INSC: variants seen among roughly 807,000 people sequenced by gnomAD.
INSC encodes the protein protein inscuteable homolog.
Under a neutral mutation model 58.6 loss-of-function variants are expected in INSC, and 67 were observed. The observed-to-expected ratio is 1.14, with a 90% confidence interval of 0.94 to 1.40. The LOEUF (loss-of-function observed/expected upper bound fraction) is 1.40, where lower values mean the gene tolerates loss of function less well. INSC is among the 40% of genes most tolerant of loss of function. The pLI is 0.00. For synonymous variants in INSC, 262 were observed against 276.1 expected, an observed-to-expected ratio of 0.95 and a Z score of 0.51; for missense variants, 714 against 692.0, an observed-to-expected ratio of 1.03 and a Z score of -0.36.
intron 2 of INSC, among the ~76,000 whole-genome samples, chr11:15,161,830 T>G (rs1460332451): frequency 6.6e-6 from 1 of 152,172 alleles, no homozygotes; most frequent in African/African-American, 2.4e-5. Context: ...TCGAAAAATT[T>G]GATCAAGATT....
At chr11:15,200,986 A>G in intron 7 of INSC, 37 bp downstream of exon 7, 1 of 1,566,154 alleles carries the variant, frequency 6.4e-7, no homozygotes, top group Non-Finnish European at 8.6e-7. Flanking sequence ...TGAGGTCCTC[A>G]AGCCAGGTAG....
chr11:15,114,830 C>G (rs1228764676), upstream of INSC: 1 of 617,722 alleles, frequency 1.6e-6, no homozygotes, highest in East Asian at 1.4e-4. Context: ...TGGGAGGCTG[C>G]GACCGCCTCG....
At chr11:15,190,865 A>T (rs765647118) in intron 6 of INSC, 51 bp downstream of exon 6, 1 of 1,255,376 alleles carries the variant, frequency 8.0e-7, no homozygotes, top group Non-Finnish European at 1.2e-6. Flanking sequence ...AAGTATGAGG[A>T]AGCTCACTTG....
intron 12 of INSC, chr11:15,241,432 G>C (rs1364994412): frequency 3.7e-6 from 2 of 543,572 alleles, no homozygotes; most frequent in African/African-American, 3.9e-5. Context: ...AGAAACAGTG[G>C]GGCATTGCAG....
chr11:15,143,760 A>G (rs1848428140), intron 1 of INSC, among the ~76,000 whole-genome samples: 1 of 152,130 alleles, frequency 6.6e-6, no homozygotes, highest in Non-Finnish European at 1.5e-5. Context: ...GCAGTCATGA[A>G]TGAAAAAAAT....
chr11:15,178,263 A>G, intron 4 of INSC, 61 bp from the exon 5 acceptor site: 1 of 1,600,970 alleles, frequency 6.2e-7, no homozygotes, highest in East Asian at 2.2e-5. Context: ...GGCCCGTGCA[A>G]CATTTCTGGG....
At chr11:15,116,377 G>C (rs1027900493) in intron 1 of INSC, among the ~76,000 whole-genome samples, 1 of 152,174 alleles carries the variant, frequency 6.6e-6, no homozygotes, top group Non-Finnish European at 1.5e-5. Context: ...CTTTGGTTTC[G>C]TTCAACCCTA....
At chr11:15,116,921 C>CTCCTTCCTTCCTTCCTTCCTTCCT (rs1219518629) in intron 1 of INSC, among the ~76,000 whole-genome samples, 13 of 20,556 alleles carry the variant, frequency 6.3e-4, no homozygotes, top group Non-Finnish European at 8.9e-4. Context: ...CCCTCCCTCC[C>CTCCTTCCTTCCTTCCTTCCTTCCT]TCCTTCCTTC....
At chr11:15,116,967 G>A (rs1238610048) in intron 1 of INSC, among the ~76,000 whole-genome samples, 1 of 110,528 alleles carries the variant, frequency 9.0e-6, no homozygotes, top group Non-Finnish European at 1.9e-5. Context: ...TTCTTTGATG[G>A]AGTCTTGCTC....
the INSC span, among the ~76,000 whole-genome samples, chr11:15,255,207 T>C: frequency 7.9e-5 from 12 of 152,288 alleles, no homozygotes; most frequent in East Asian, 2.3e-3. Context: ...AATCACTATA[T>C]ATGATCTTAA....
At chr11:15,255,868 G>A in the INSC span, among the ~76,000 whole-genome samples, 4 of 152,120 alleles carry the variant, frequency 2.6e-5, no homozygotes, top group South Asian at 8.3e-4. Flanking sequence ...CTATAAAGGG[G>A]TATTTGTTTA....
intron 1 of INSC, among the ~76,000 whole-genome samples, chr11:15,117,524 T>C (rs991799924): frequency 2.0e-5 from 3 of 152,240 alleles, no homozygotes; most frequent in African/African-American, 7.2e-5. Flanking sequence ...TCTTAGTCCA[T>C]CATATGGCTC....
intron 1 of INSC, among the ~76,000 whole-genome samples, chr11:15,124,363 A>G (rs895380405): frequency 3.3e-5 from 5 of 152,138 alleles, no homozygotes; most frequent in East Asian, 1.9e-4. Context: ...TTGGCTCACT[A>G]TCTGCTTTTC....
intron 2 of INSC, among the ~76,000 whole-genome samples, chr11:15,149,637 G>T (rs570062301): frequency 4.5e-4 from 68 of 152,268 alleles, no homozygotes; most frequent in African/African-American, 1.6e-3. Context: ...AGTACTTGTT[G>T]TCCTGAGTTG....
At chr11:15,249,624 A>G (rs1852628607), downstream of INSC, among the ~76,000 whole-genome samples, 1 of 152,216 alleles carries the variant, frequency 6.6e-6, no homozygotes, top group Non-Finnish European at 1.5e-5. Context: ...GACTGTCAAA[A>G]TCACAGGAGG....
chr11:15,193,942 A>G (rs1192101621), intron 6 of INSC, among the ~76,000 whole-genome samples: 1 of 145,774 alleles, frequency 6.9e-6, no homozygotes, highest in Non-Finnish European at 1.5e-5. Flanking sequence ...TGCCAACCAC[A>G]TTAACATATC....
chr11:15,117,932 G>T (rs1189809803), intron 1 of INSC, among the ~76,000 whole-genome samples: 2 of 152,126 alleles, frequency 1.3e-5, no homozygotes, highest in Non-Finnish European at 2.9e-5. Flanking sequence ...CCCCTGCTCC[G>T]AGTGTTTCAG....
chr11:15,137,680 G>T (rs1848277389), intron 1 of INSC, among the ~76,000 whole-genome samples: 2 of 152,168 alleles, frequency 1.3e-5, no homozygotes, highest in Admixed American at 1.3e-4. Flanking sequence ...GAATGAGATT[G>T]TTAGGGACTT....
the INSC span, among the ~76,000 whole-genome samples, chr11:15,265,041 C>A: frequency 6.6e-6 from 1 of 151,372 alleles, no homozygotes; most frequent in South Asian, 2.1e-4. Context: ...AAAATGTGAC[C>A]CAAGAAAAAA....
Sources: allele counts gnomAD v4.1 joint callset (sites outside exome capture counted in the v4.1 genomes callset), GRCh38; gene constraint gnomAD v4.1.1; transcripts MANE v1.5; gene names NCBI Gene and HGNC (gene_info 2026-07-23, HGNC 2026-07-21).